The following NUMB variants were observed in gnomAD, a reference collection of about 807,000 sequenced individuals.
NUMB encodes the protein protein numb homolog.
In NUMB, 29 loss-of-function variants were observed where a neutral mutation model predicts 59.7. The observed-to-expected ratio is 0.49, with a 90% CI of 0.36 to 0.66. The LOEUF is 0.66. NUMB is among the 30% of genes least tolerant of loss of function. The pLI is 0.00. For synonymous variants in NUMB, 288 were observed against 288.2 expected, an observed-to-expected ratio of 1.00 and a Z score of 0.01; for missense variants, 723 against 822.0, an observed-to-expected ratio of 0.88 and a Z score of 1.47.
chr14:73,279,700 G>A (rs950081583), intron 11 of NUMB, among the ~76,000 whole-genome samples: 1 of 152,140 alleles, frequency 6.6e-6, no homozygotes, highest in Non-Finnish European at 1.5e-5. Flanking sequence ...TGAAACCTAC[G>A]AAAACAATTT....
At chr14:73,397,303 A>G (rs772541595) in intron 2 of NUMB, among the ~76,000 whole-genome samples, 1 of 152,132 alleles carries the variant, frequency 6.6e-6, no homozygotes, top group Non-Finnish European at 1.5e-5. Context: ...TAAAAAATGG[A>G]CTTCTATGAA....
intron 4 of NUMB, among the ~76,000 whole-genome samples, chr14:73,341,782 T>C (rs1892642914): frequency 6.6e-6 from 1 of 152,344 alleles, no homozygotes; most frequent in South Asian, 2.1e-4. Context: ...TATTCAACAT[T>C]GTTTAATAAA....
At chr14:73,323,376 T>C (rs977825309) in intron 4 of NUMB, 172 bp from the exon 5 acceptor site, 30 of 515,064 alleles carry the variant, frequency 5.8e-5, no homozygotes, top group East Asian at 1.3e-4. Context: ...ACAACCTGTA[T>C]TGAAATTCCT....
At chr14:73,307,135 CTG>C (rs1890484032) in intron 6 of NUMB, among the ~76,000 whole-genome samples, 1 of 152,106 alleles carries the variant, frequency 6.6e-6, no homozygotes. Context: ...CAGTGAAACC[CTG>C]TCTCTACTGA....
chr14:73,321,593 T>G (rs1044017271), intron 5 of NUMB, among the ~76,000 whole-genome samples: 3 of 152,204 alleles, frequency 2.0e-5, no homozygotes, highest in African/African-American at 7.2e-5. Flanking sequence ...AAATTTGGTT[T>G]TGACAAAATG....
intron 4 of NUMB, among the ~76,000 whole-genome samples, chr14:73,331,300 C>T (rs1040441060): frequency 6.6e-6 from 1 of 152,166 alleles, no homozygotes; most frequent in East Asian, 1.9e-4. Flanking sequence ...AGTCCCAGCA[C>T]TCTGGGAGGC....
At chr14:73,398,266 T>C (rs1896229495) in intron 2 of NUMB, among the ~76,000 whole-genome samples, 1 of 152,208 alleles carries the variant, frequency 6.6e-6, no homozygotes, top group Non-Finnish European at 1.5e-5. Context: ...TAAATGGTGA[T>C]ATTTTAAAAT....
At chr14:73,291,079 G>GT (rs1889358346) in intron 8 of NUMB, among the ~76,000 whole-genome samples, 1 of 150,040 alleles carries the variant, frequency 6.7e-6, no homozygotes, top group Non-Finnish European at 1.5e-5. Context: ...TTTAGTTTTT[G>GT]TTTTTTGTTT....
At chr14:73,427,625 G>A (rs1340211333) in intron 1 of NUMB, among the ~76,000 whole-genome samples, 1 of 152,092 alleles carries the variant, frequency 6.6e-6, no homozygotes, top group African/African-American at 2.4e-5. Context: ...GTACAAGAAA[G>A]AGAAAACACA....
At position 73,282,491 on chromosome 14, in the gene NUMB, C is replaced by T. The variant is rs540058339; in HGVS notation, c.964G>A (p.Gly322Arg). The T allele has an allele frequency of 6.2e-7, 1 of 1,613,624 alleles. No individual in the cohort carries two copies. Among genetic ancestry groups the T allele is most frequent in the South Asian group, 1.1e-5 (1 of 90,998 alleles). ...PIKNAVPEVEGEAESISSLCS... is the reference protein window; with the variant it reads ...PIKNAVPEVEREAESISSLCS... ...AGGGAGCTGATGCTCTCTGCCTCCC[C>T]TTCTACTTCTGGCACTGCAAGGCAA... Residue 322 changes from glycine to arginine, a missense_variant, in exon 11 of 13, where the codon GGG (glycine) becomes AGG (arginine). By Grantham distance (125) the Gly-to-Arg change is moderately radical. Coordinates refer to ENST00000555238, the MANE Select transcript of NUMB (RefSeq NM_001005743.2).
chr14:73,373,828 C>T (rs1420117111), intron 2 of NUMB, among the ~76,000 whole-genome samples: 1 of 151,738 alleles, frequency 6.6e-6, no homozygotes, highest in African/African-American at 2.4e-5. Context: ...CTCAGCCTCC[C>T]AAGTAGCTAG....
At chr14:73,455,198 C>T (rs1884269889) in intron 1 of NUMB, among the ~76,000 whole-genome samples, 1 of 151,916 alleles carries the variant, frequency 6.6e-6, no homozygotes, top group Non-Finnish European at 1.5e-5. Context: ...AAAGCTATAC[C>T]AACAGTTTCT....
chr14:73,454,993 C>T (rs375787506), intron 1 of NUMB, among the ~76,000 whole-genome samples: 15 of 152,152 alleles, frequency 9.9e-5, no homozygotes, highest in African/African-American at 3.6e-4. Flanking sequence ...CTTTCCTTCT[C>T]GAAACTTATG....
intron 3 of NUMB, among the ~76,000 whole-genome samples, 175 bp from the exon 4 acceptor site, chr14:73,355,941 T>C (rs953725048): frequency 5.3e-5 from 8 of 152,202 alleles, no homozygotes; most frequent in Non-Finnish European, 1.0e-4. Flanking sequence ...AATAGAACAT[T>C]TCCTCTTAGA....
intron 1 of NUMB, among the ~76,000 whole-genome samples, chr14:73,425,349 G>T (rs1291581541): frequency 2.0e-5 from 3 of 152,044 alleles, no homozygotes; most frequent in Admixed American, 6.6e-5. Context: ...TATAGATTAA[G>T]ATTAAATTTA....
chr14:73,314,906 T>C (rs577918216), intron 6 of NUMB, among the ~76,000 whole-genome samples: 1 of 152,238 alleles, frequency 6.6e-6, no homozygotes, highest in African/African-American at 2.4e-5. Context: ...TCAATTTCCT[T>C]AACAAATATA....
Position 73,368,343 on chromosome 14 carries a change from G to A in NUMB, c.-100-1362C>T, listed in dbSNP as rs147669780. 3.4e-3 allele frequency among the ~76,000 whole-genome samples: 523 copies of A among 152,234 alleles called. 1 individual carries two copies. The highest frequency in any genetic ancestry group is 5.3e-3 in the Non-Finnish European group (360 of 68,014). On this transcript the variant is annotated intron_variant, in intron 2 of 12. Coordinates refer to ENST00000555238, the MANE Select transcript of NUMB (RefSeq NM_001005743.2). ...GTTAATCCCAGCACTTTGGGAGGCC[G>A]AGGCAAGTGGATCGCCTGAGGTCAG...
chr14:73,309,919 TAAC>T (rs1342739702), intron 6 of NUMB, among the ~76,000 whole-genome samples: 1 of 151,956 alleles, frequency 6.6e-6, no homozygotes, highest in Non-Finnish European at 1.5e-5. Context: ...TAAAACAACA[TAAC>T]AACATATTAC....
At chr14:73,449,568 G>C (rs1349683115) in intron 1 of NUMB, among the ~76,000 whole-genome samples, 1 of 152,134 alleles carries the variant, frequency 6.6e-6, no homozygotes, top group Non-Finnish European at 1.5e-5. Context: ...TAATATGATA[G>C]ATAAACAGCC....
Sources: allele counts gnomAD v4.1 joint callset (sites outside exome capture counted in the v4.1 genomes callset), GRCh38; gene constraint gnomAD v4.1.1; transcripts MANE v1.5; gene names NCBI Gene and HGNC (gene_info 2026-07-23, HGNC 2026-07-21).